UGT2A2: variants seen among roughly 807,000 people sequenced by gnomAD.
UGT2A2 encodes UDP-glucuronosyltransferase 2A2.
In UGT2A2, 60 loss-of-function variants were observed where a neutral mutation model predicts 50.7. That is an observed-to-expected ratio of 1.18 (90% CI 0.96 to 1.47). The LOEUF is 1.47. Ranked by LOEUF, UGT2A2 falls within the 40% of genes most tolerant of loss-of-function variation. UGT2A2 has a pLI of 0.00. For missense variants in UGT2A2, 762 were observed against 634.0 expected (o/e 1.20, Z -2.17); for synonymous variants, 242 against 214.6 (o/e 1.13, Z -1.11).
chr4:69,627,910 C>T (rs529521834), intron 1 of UGT2A2, among the ~76,000 whole-genome samples: 7 of 152,006 alleles, frequency 4.6e-5, no homozygotes, highest in Non-Finnish European at 8.8e-5. Flanking sequence ...TTAATTTTTG[C>T]ATACTGACCC....
At chr4:69,616,392 A>G (rs1289149419) in intron 1 of UGT2A2, among the ~76,000 whole-genome samples, 1 of 152,026 alleles carries the variant, frequency 6.6e-6, no homozygotes, top group Non-Finnish European at 1.5e-5. Context: ...GAATTTTCCT[A>G]ACATAGAAAA....
chr4:69,605,181 CCT>C (rs1203683697), intron 1 of UGT2A2, among the ~76,000 whole-genome samples: 1 of 136,710 alleles, frequency 7.3e-6, no homozygotes, highest in Non-Finnish European at 1.6e-5. Context: ...GTAAAGCACT[CCT>C]CAGCAAATGT....
intron 1 of UGT2A2, among the ~76,000 whole-genome samples, chr4:69,624,298 C>T (rs1720916055): frequency 6.6e-6 from 1 of 151,344 alleles, no homozygotes; most frequent in Non-Finnish European, 1.5e-5. Flanking sequence ...GCCACTCCAC[C>T]TTTACTTTAC....
intron 5 of UGT2A2, among the ~76,000 whole-genome samples, chr4:69,594,132 A>G (rs1253720980): frequency 6.6e-6 from 1 of 151,474 alleles, no homozygotes; most frequent in Non-Finnish European, 1.5e-5. Context: ...CCACTATCAT[A>G]CCCGGCTAAA....
intron 5 of UGT2A2, among the ~76,000 whole-genome samples, chr4:69,590,068 C>T (rs185645476): frequency 9.2e-5 from 14 of 152,166 alleles, no homozygotes; most frequent in South Asian, 2.1e-4. Flanking sequence ...ATATGACAGA[C>T]AAAGGAAATT....
intron 1 of UGT2A2, among the ~76,000 whole-genome samples, chr4:69,606,325 CAT>C (rs1299032214): frequency 1.5e-5 from 2 of 136,440 alleles, no homozygotes; most frequent in African/African-American, 6.0e-5. Flanking sequence ...ACAAAAACCA[CAT>C]GATTATCTCA....
intron 1 of UGT2A2, among the ~76,000 whole-genome samples, chr4:69,618,265 T>C (rs1400071052): frequency 6.8e-6 from 1 of 147,528 alleles, no homozygotes; most frequent in Non-Finnish European, 1.5e-5. Flanking sequence ...GGGAAGAATG[T>C]ATTACATTTG....
intron 1 of UGT2A2, among the ~76,000 whole-genome samples, chr4:69,616,742 A>G (rs1469161880): frequency 6.6e-6 from 1 of 151,876 alleles, no homozygotes; most frequent in Non-Finnish European, 1.5e-5. Flanking sequence ...TATAAGCTAT[A>G]AATCCTCCAT....
chr4:69,639,222 T>C lies in UGT2A2; in HGVS notation c.419A>G (p.Lys140Arg). The C allele has an allele frequency of 6.2e-7, 1 of 1,613,698 alleles. No homozygotes were observed. Among genetic ancestry groups the C allele is most frequent in the Non-Finnish European group, 8.5e-7 (1 of 1,179,742 alleles). The change falls in exon 1 of 6, where the codon AAG (lysine) becomes AGG (arginine). Residue 140 changes from lysine to arginine, a missense_variant. Transcript: ENST00000604629. Reference sequence around the variant, plus strand: ...AAGTCTTGCCATCAACTTTGGGTTCTTTAGTACACCATCACAGAGTTGTAT... The same window carrying C: ...AAGTCTTGCCATCAACTTTGGGTTCCTTAGTACACCATCACAGAGTTGTAT... ...INIQLCDGVL[K>R]NPKLMARLQK...
rs1718470160 is a variant in UGT2A2, at chr4:69,589,574, C to T, written c.1409G>A (p.Trp470Ter). ...TTTGTGGCGCATGACAAACTCGATC[C>T]AGAAGACTGCTCGATCCAGGGGCTT... ...PVKPLDRAVF[W>*]IEFVMRHKGA... Residue 470 changes from tryptophan (W) to a stop codon, truncating the protein, a stop_gained, in exon 6 of 6, where the codon TGG becomes TAG. Coordinates refer to ENST00000604629, the MANE Select transcript of UGT2A2 (RefSeq NM_001105677.2). LOFTEE classifies it high-confidence loss of function. The T allele has an allele frequency of 1.9e-6, 3 of 1,614,012 alleles. No individual in the cohort carries two copies. Among genetic ancestry groups the T allele is most frequent in the East Asian group, 4.5e-5 (2 of 44,886 alleles).
intron 1 of UGT2A2, among the ~76,000 whole-genome samples, chr4:69,616,854 T>G (rs1163289057): frequency 1.5e-5 from 2 of 133,796 alleles, no homozygotes; most frequent in African/African-American, 5.5e-5. Flanking sequence ...TTTTTTTGAA[T>G]AGTGGTTTCT....
chr4:69,609,257 A>C (rs1719883124), intron 1 of UGT2A2, among the ~76,000 whole-genome samples: 1 of 151,928 alleles, frequency 6.6e-6, no homozygotes, highest in African/African-American at 2.4e-5. Context: ...AGCCCAAGAA[A>C]TCCTCCTACC....
At position 69,639,163 on chromosome 4, in the gene UGT2A2, G is replaced by C. The variant is rs1241484490; in HGVS notation, c.478C>G (p.Pro160Ala). The change falls in exon 1 of 6, where the codon CCA (proline) becomes GCA (alanine). Residue 160 changes from proline (P) to alanine (A), a missense_variant. Transcript: ENST00000604629. Reference protein sequence around the residue: ...KGGFDVLVADPVTICGDLVAL... With the variant: ...KGGFDVLVADAVTICGDLVAL... ...ACAAGATCACCACAGATTGTTACTG[G>C]GTCTGCTACCAACACATCAAAACCA... The C allele has an allele frequency of 9.9e-6, 16 of 1,613,418 alleles. No homozygotes were observed. Among genetic ancestry groups the C allele is most frequent in the Admixed American group, 3.3e-5 (2 of 59,938 alleles).
In UGT2A2 at chr4:69,630,943, C is replaced by T. The variant is rs1483043168; in HGVS notation, c.742+7956G>A. On this transcript the variant is annotated intron_variant, in intron 1 of 5. Coordinates refer to ENST00000604629, the MANE Select transcript of UGT2A2 (RefSeq NM_001105677.2). ...TGCTAAAGAATACACGACTAAGTGGCAGAGTTAACAATACTACTTAAATGT... is the reference window on the plus strand; with the variant it reads ...TGCTAAAGAATACACGACTAAGTGGTAGAGTTAACAATACTACTTAAATGT... Among the ~76,000 whole-genome samples, 4 of 152,036 alleles carry T rather than the reference C, an allele frequency of 2.6e-5. 1 individual carries two copies. The highest frequency in any genetic ancestry group is 5.9e-5 in the Non-Finnish European group (4 of 68,002).
At chr4:69,634,524 A>G (rs1721569950) in intron 1 of UGT2A2, among the ~76,000 whole-genome samples, 1 of 152,148 alleles carries the variant, frequency 6.6e-6, no homozygotes, top group Non-Finnish European at 1.5e-5. Context: ...GTTTAGTTGC[A>G]GACAAGTTGG....
intron 5 of UGT2A2, among the ~76,000 whole-genome samples, chr4:69,590,033 A>T (rs544006247): frequency 6.6e-6 from 1 of 152,336 alleles, no homozygotes; most frequent in South Asian, 2.1e-4. Flanking sequence ...ATACATAAAC[A>T]TATCCTCTAG....
intron 1 of UGT2A2, among the ~76,000 whole-genome samples, chr4:69,631,034 C>T (rs1721354354): frequency 6.6e-6 from 1 of 152,114 alleles, no homozygotes; most frequent in Non-Finnish European, 1.5e-5. Flanking sequence ...AAATCATCGA[C>T]ATAAGCTTTC....
intron 1 of UGT2A2, among the ~76,000 whole-genome samples, chr4:69,608,565 A>T (rs1193439348): frequency 6.6e-6 from 1 of 152,140 alleles, no homozygotes; most frequent in African/African-American, 2.4e-5. Context: ...AAAGTATAAT[A>T]AAAAGAAAAA....
At chr4:69,627,619 G>C (rs931142401) in intron 1 of UGT2A2, among the ~76,000 whole-genome samples, 14 of 142,466 alleles carry the variant, frequency 9.8e-5, no homozygotes, top group Non-Finnish European at 1.6e-4. Context: ...AGAAAGAGAA[G>C]AAAGAAAAAA....
Sources: allele counts gnomAD v4.1 joint callset (sites outside exome capture counted in the v4.1 genomes callset), GRCh38; gene constraint gnomAD v4.1.1; transcripts MANE v1.5; gene names NCBI Gene and HGNC (gene_info 2026-07-23, HGNC 2026-07-21).